Variants in CNST observed in about 807,000 individuals in gnomAD.
The protein encoded by CNST is consortin.
CNST carries 39 observed loss-of-function variants against 72.4 expected under a neutral mutation model. The ratio of observed to expected loss-of-function variants is 0.54; its 90% CI spans 0.42 to 0.70. The LOEUF (loss-of-function observed/expected upper bound fraction) is 0.70, where lower values mean the gene tolerates loss of function less well. Among genes scored for constraint, CNST ranks in the 30% least tolerant of loss-of-function variants. CNST has a pLI of 0.00. For missense variants in CNST, 871 were observed against 868.5 expected (o/e 1.00, Z -0.04); for synonymous variants, 332 against 320.1 (o/e 1.04, Z -0.40).
At chr1:246,631,947 A>C in intron 4 of CNST, 23 bp downstream of exon 4, 1 of 1,440,426 alleles carries the variant, frequency 6.9e-7, no homozygotes, top group African/African-American at 1.4e-5. Context: ...TAATTACAGG[A>C]AGAAATTTTT....
chr1:246,664,527 T>C (rs78107162), intron 10 of CNST, among the ~76,000 whole-genome samples: 18,932 of 151,888 alleles, frequency 0.12, 1,573 homozygotes, highest in African/African-American at 0.22. Flanking sequence ...CCCAGGTTCA[T>C]GCCATTCTCC....
Position 246,647,149 on chromosome 1 carries a change from TTG to T in CNST, c.950_951del (p.Cys317SerfsTer7), listed in dbSNP as rs778989358. ...ATTKESESKT[C>X]LGTESSKESQ... ...TTTCTTCATCTTTAGAGAGTAAAAC[TTG>T]TCTCGGCACAGAGTCAAGTAAAGAA... On this transcript the variant is annotated frameshift_variant, in exon 9 of 11. Transcript: ENST00000366513. LOFTEE classifies it high-confidence loss of function. The T allele has an allele frequency of 1.2e-6, 2 of 1,608,648 alleles. No homozygotes were observed. The highest frequency in any genetic ancestry group is 1.7e-6 in the Non-Finnish European group (2 of 1,177,930).
Position 246,566,489 on chromosome 1 carries a change from C to A in CNST, c.-226C>A. The stretch of plus-strand genomic sequence containing the variant: ...GGGCCGCCAGCCTCCAGCCGGCCAG[C>A]CGCGAGGGGTGCGCAGAGGGAGGCG... On this transcript the variant is annotated 5_prime_UTR_variant, in exon 1 of 11. Transcript: ENST00000366513. The A allele has an allele frequency of 2.3e-6, 1 of 441,950 alleles. No individual in the cohort carries two copies. Among genetic ancestry groups the A allele is most frequent in the Non-Finnish European group, 4.0e-6 (1 of 248,452 alleles). The allele number at this position is 441,950 out of a possible 1,614,324, so 27.4% of individuals were successfully genotyped here. A position where few individuals can be genotyped will look rare whatever the true frequency, so the allele number is the denominator to read the frequency against.
intron 2 of CNST, among the ~76,000 whole-genome samples, chr1:246,597,058 G>A (rs948823468): frequency 5.9e-5 from 9 of 151,998 alleles, no homozygotes; most frequent in Non-Finnish European, 1.2e-4. Context: ...ATTTCTCTTC[G>A]TTATATATCT....
intron 2 of CNST, among the ~76,000 whole-genome samples, chr1:246,596,424 T>A (rs1314063836): frequency 1.3e-5 from 2 of 150,992 alleles, no homozygotes; most frequent in African/African-American, 4.9e-5. Context: ...AAAGAAAAAA[T>A]TTTTCACTGT....
chr1:246,578,448 G>A (rs1315707961), intron 1 of CNST, among the ~76,000 whole-genome samples: 6 of 152,054 alleles, frequency 3.9e-5, no homozygotes, highest in Middle Eastern at 3.4e-3. Context: ...TGAGGTGGGC[G>A]GATCATGAGG....
intron 1 of CNST, among the ~76,000 whole-genome samples, chr1:246,577,819 G>T (rs1428845244): frequency 2.0e-5 from 3 of 152,032 alleles, no homozygotes; most frequent in Admixed American, 6.5e-5. Context: ...GTCTGTGCAT[G>T]GTGGCTCACA....
chr1:246,648,722 C>T (rs1008245389), intron 9 of CNST, among the ~76,000 whole-genome samples: 2 of 152,212 alleles, frequency 1.3e-5, no homozygotes, highest in Admixed American at 6.5e-5. Context: ...TAGTTAACAG[C>T]TTCTTGGAGT....
chr1:246,654,913 C>G (rs1666689442), intron 9 of CNST, among the ~76,000 whole-genome samples: 1 of 152,044 alleles, frequency 6.6e-6, no homozygotes, highest in African/African-American at 2.4e-5. Context: ...CAAGTCCCTG[C>G]TCTCATAAAG....
chr1:246,618,875 A>G (rs183799529), intron 2 of CNST, among the ~76,000 whole-genome samples: 5 of 152,154 alleles, frequency 3.3e-5, no homozygotes, highest in African/African-American at 1.2e-4. Flanking sequence ...CCCTTTTTTG[A>G]TCTCCTTTGG....
intron 1 of CNST, among the ~76,000 whole-genome samples, chr1:246,590,561 G>A (rs955967200): frequency 6.6e-6 from 1 of 151,980 alleles, no homozygotes; most frequent in African/African-American, 2.4e-5. Flanking sequence ...ACTTTTCATG[G>A]TTTTAGAGAC....
intron 2 of CNST, among the ~76,000 whole-genome samples, chr1:246,597,781 C>T (rs940521010): frequency 6.6e-6 from 1 of 152,090 alleles, no homozygotes; most frequent in African/African-American, 2.4e-5. Context: ...CCTGTTCTTA[C>T]CTATATGATC....
chr1:246,621,507 A>C lies in CNST; in HGVS notation c.458A>C (p.Glu153Ala), dbSNP rs946863748. Residue 153 changes from glutamate to alanine, a missense_variant, in exon 3 of 11, where the codon GAA becomes GCA. By Grantham distance (107) the Glu-to-Ala change is moderately radical. Coordinates refer to ENST00000366513, the MANE Select transcript of CNST (RefSeq NM_152609.3). ...GTCACATATGCTGTTGATGATGAAG[A>C]AGCTGCTGAAGTAAATGCTAATGAG... ...SAVTYAVDDEEAAEVNANEQP... is the reference protein window; with the variant it reads ...SAVTYAVDDEAAAEVNANEQP... The C allele has an allele frequency of 1.6e-5, 26 of 1,614,154 alleles. No homozygotes were observed. The highest frequency in any genetic ancestry group is 2.2e-5 in the Non-Finnish European group (26 of 1,179,976).
intron 8 of CNST, among the ~76,000 whole-genome samples, chr1:246,642,994 T>G (rs1228861434): frequency 6.7e-6 from 1 of 149,448 alleles, no homozygotes; most frequent in Non-Finnish European, 1.5e-5. Context: ...GCTCAAGTAA[T>G]CCTCCCGCCT....
At chr1:246,596,926 T>C (rs1174636846) in intron 2 of CNST, among the ~76,000 whole-genome samples, 3 of 152,208 alleles carry the variant, frequency 2.0e-5, no homozygotes, top group Non-Finnish European at 4.4e-5. Flanking sequence ...TCAGATAATA[T>C]TCTGTTGCAT....
At chr1:246,637,976 G>C (rs1293254765) in intron 6 of CNST, among the ~76,000 whole-genome samples, 1 of 152,158 alleles carries the variant, frequency 6.6e-6, no homozygotes, top group African/African-American at 2.4e-5. Flanking sequence ...GGGCTTGGTG[G>C]TTAGAAAAAG....
chr1:246,640,959 G>C (rs1665646256), intron 6 of CNST, among the ~76,000 whole-genome samples: 2 of 152,088 alleles, frequency 1.3e-5, no homozygotes, highest in Non-Finnish European at 2.9e-5. Flanking sequence ...CCTGCAGAAG[G>C]CTCCCTCATG....
intron 2 of CNST, among the ~76,000 whole-genome samples, chr1:246,598,582 A>G (rs1273365183): frequency 6.6e-6 from 1 of 152,164 alleles, no homozygotes; most frequent in East Asian, 1.9e-4. Context: ...ATGAATCCCC[A>G]AAGGCCTATT....
intron 6 of CNST, among the ~76,000 whole-genome samples, chr1:246,634,866 T>C (rs1477485640): frequency 6.6e-6 from 1 of 151,538 alleles, no homozygotes; most frequent in Non-Finnish European, 1.5e-5. Flanking sequence ...GGGGCAGGGG[T>C]TTTACAGTCT....
Sources: gnomAD v4.1 joint callset for allele counts (sites outside exome capture counted in the v4.1 genomes callset) on GRCh38, gnomAD v4.1.1 for gene constraint, MANE v1.5 for transcripts, NCBI Gene and HGNC (gene_info 2026-07-23, HGNC 2026-07-21) for gene names.